PI4KB: variants seen among roughly 807,000 people sequenced by gnomAD.
The protein encoded by PI4KB is PtdIns 4-kinase beta.
Under a neutral mutation model 81.4 loss-of-function variants are expected in PI4KB, and 23 were observed. The observed-to-expected ratio is 0.28, with a 90% CI of 0.20 to 0.40. The LOEUF is 0.40. PI4KB is among the 10% of genes least tolerant of loss of function. PI4KB has a pLI of 1.00. For synonymous variants in PI4KB, 381 were observed against 406.8 expected (o/e 0.94, Z 0.76); for missense variants, 651 against 1,036.6 (o/e 0.63, Z 5.11).
rs747308764 is a variant in PI4KB at position 151,310,208 on chromosome 1, T to TA, written c.954+2dup. ...CACCCCGTCCCAGCCTGGCCCCACT[T>TA]ACGGAACTGAATGAATTATCAATAC... On this transcript the variant is annotated splice_region_variant and intron_variant, in intron 3 of 11. Coordinates refer to ENST00000368873, the MANE Select transcript of PI4KB (RefSeq NM_001369623.2). 2.3e-5 allele frequency: 37 copies of TA among 1,606,758 alleles called. No individual in the cohort carries two copies. The highest frequency in any genetic ancestry group is 2.7e-5 in the Non-Finnish European group (32 of 1,176,726).
At chr1:151,303,298 C>T (rs1179524668) in intron 6 of PI4KB, 1 of 430,542 alleles carries the variant, frequency 2.3e-6, no homozygotes, top group Non-Finnish European at 4.3e-6. Flanking sequence ...TATGCCCGGC[C>T]CCTCTGGTGC....
intron 1 of PI4KB, among the ~76,000 whole-genome samples, chr1:151,318,279 T>A (rs949937805): frequency 6.6e-6 from 1 of 150,930 alleles, no homozygotes; most frequent in Non-Finnish European, 1.5e-5. Flanking sequence ...TAGCCAGGCG[T>A]GGTGGCAGGC....
chr1:151,326,133 A>C (rs747349363), intron 1 of PI4KB: 1 of 1,601,364 alleles, frequency 6.2e-7, no homozygotes, highest in Non-Finnish European at 8.6e-7. Context: ...TCCTTTAACA[A>C]AAGCCTAAAA....
At chr1:151,310,358 T>C (rs1444998984) in intron 2 of PI4KB, 103 bp from the exon 3 acceptor site, 3 of 732,978 alleles carry the variant, frequency 4.1e-6, no homozygotes, top group Admixed American at 4.9e-5. Flanking sequence ...TAACTGCTTC[T>C]CTAGTGAAGT....
In PI4KB at chr1:151,294,493, G is replaced by A. The variant is rs764579335; in HGVS notation, c.2064C>T (p.Ile688=). The A allele has an allele frequency of 4.3e-6, 7 of 1,613,960 alleles. No homozygotes were observed. The highest frequency in any genetic ancestry group is 2.2e-5 in the South Asian group (2 of 91,072). ...LLDAEGHIIH[I]DFGFILSSSP... ...AGCTGGAGAGGATGAAGCCAAAGTC[G>A]ATGTGGATGATGTGGCCTTCTGCGT... Residue 688 remains isoleucine, a synonymous_variant, in exon 10 of 12, where the codon ATC becomes ATT. Transcript: ENST00000368873.
chr1:151,303,788 C>T, intron 5 of PI4KB, 138 bp from the exon 6 acceptor site: 1 of 650,628 alleles, frequency 1.5e-6, no homozygotes, highest in Non-Finnish European at 2.8e-6. Context: ...GTTACTGGGA[C>T]CCCAGGCTGC....
intron 1 of PI4KB, among the ~76,000 whole-genome samples, chr1:151,320,035 A>AC (rs1361821809): frequency 2.0e-5 from 3 of 151,936 alleles, no homozygotes; most frequent in Admixed American, 6.6e-5. Context: ...TGTTAAGGTT[A>AC]CTTTTTTTTT....
intron 9 of PI4KB, among the ~76,000 whole-genome samples, chr1:151,295,652 T>G (rs183335202): frequency 2.6e-5 from 4 of 152,388 alleles, no homozygotes; most frequent in African/African-American, 9.6e-5. Context: ...CATTCATTGT[T>G]GCCACTTCTT....
At chr1:151,317,290 C>T (rs1648112462) in intron 1 of PI4KB, among the ~76,000 whole-genome samples, 1 of 151,702 alleles carries the variant, frequency 6.6e-6, no homozygotes, top group Admixed American at 6.6e-5. Flanking sequence ...CAGGTGCACA[C>T]CACCATGCCT....
At position 151,302,229 on chromosome 1, in the gene PI4KB, T is replaced by A. The variant is rs373302771; in HGVS notation, c.1590A>T (p.Ala530=). The part of the protein sequence containing the change: ...AFKRDPEDPS[A]VALKEPWQEK... Reference sequence around the variant, plus strand: ...CCTGCCAGGGCTCTTTGAGAGCAACTGCAGAAGGATCTTCTGGGTCTCGTT... The same window carrying A: ...CCTGCCAGGGCTCTTTGAGAGCAACAGCAGAAGGATCTTCTGGGTCTCGTT... Residue 530 remains alanine, a synonymous_variant, in exon 7 of 12, where the codon GCA becomes GCT. Coordinates refer to ENST00000368873, the MANE Select transcript of PI4KB (RefSeq NM_001369623.2). 6.3e-5 allele frequency: 102 copies of A among 1,614,026 alleles called. No homozygotes were observed. Among genetic ancestry groups the A allele is most frequent in the Non-Finnish European group, 8.1e-5 (96 of 1,179,974 alleles).
At chr1:151,308,031 G>A (rs1054217902) in intron 3 of PI4KB, among the ~76,000 whole-genome samples, 3 of 152,204 alleles carry the variant, frequency 2.0e-5, no homozygotes, top group Non-Finnish European at 4.4e-5. Context: ...GGTAAGGGAG[G>A]CCATGAGTCC....
intron 5 of PI4KB, among the ~76,000 whole-genome samples, chr1:151,304,787 T>A (rs1378361140): frequency 1.3e-5 from 2 of 151,238 alleles, no homozygotes; most frequent in Non-Finnish European, 2.9e-5. Context: ...ATCACTTGCC[T>A]CCCGAGTAGC....
chr1:151,299,270 C>T (rs999023718), intron 8 of PI4KB, among the ~76,000 whole-genome samples, 197 bp from the exon 9 acceptor site: 3 of 152,150 alleles, frequency 2.0e-5, no homozygotes, highest in Non-Finnish European at 2.9e-5. Flanking sequence ...TCAGAAACTA[C>T]ACTCAGGTAT....
chr1:151,310,974 ATAC>A (rs1394298506), intron 2 of PI4KB, among the ~76,000 whole-genome samples: 1 of 152,192 alleles, frequency 6.6e-6, no homozygotes, highest in Non-Finnish European at 1.5e-5. Context: ...GACAATCAAT[ATAC>A]TACAATTTTT....
At chr1:151,312,805 G>C (rs889106292) in intron 2 of PI4KB, among the ~76,000 whole-genome samples, 3 of 152,196 alleles carry the variant, frequency 2.0e-5, no homozygotes, top group Non-Finnish European at 4.4e-5. Flanking sequence ...CTTGAAGCCA[G>C]GAGTTTGAGA....
chr1:151,303,744 C>T lies in PI4KB; in HGVS notation c.1411-94G>A, dbSNP rs1695499878. 4 of 831,220 alleles carry T rather than the reference C, an allele frequency of 4.8e-6. No individual in the cohort carries two copies. The Admixed American group carries it at 7.0e-5, about 14-fold the overall frequency. The allele number at this position is 831,220 out of a possible 1,614,324, so 51.5% of individuals were successfully genotyped here. A position where few individuals can be genotyped will look rare whatever the true frequency, so the allele number is the denominator to read the frequency against. On this transcript the variant is annotated intron_variant, in intron 5 of 11. Transcript: ENST00000368873. ...TTGCTATCACTGCAGCATGCTCATC[C>T]CTCTCTTTCAAACTCTGCTTACACA...
chr1:151,293,917 C>T lies in PI4KB; in HGVS notation c.2269+101G>A, dbSNP rs764039027. 4 of 1,336,386 alleles carry T rather than the reference C, an allele frequency of 3.0e-6. No homozygotes were observed. In the East Asian group the frequency reaches 9.6e-5, roughly 32 times the overall value. 82.8% of individuals were successfully genotyped at this position (1,336,386 alleles called of 1,614,324 possible). A position where few individuals can be genotyped will look rare whatever the true frequency, so the allele number is the denominator to read the frequency against. ...TAGAAACTCTCTGGGAACCCCCCTC[C>T]CTCAACCGAGTCTCGTGGGATCAGC... On this transcript the variant is annotated intron_variant, in intron 11 of 11. Coordinates refer to ENST00000368873, the MANE Select transcript of PI4KB (RefSeq NM_001369623.2).
Position 151,314,514 on chromosome 1 carries a change from A to G in PI4KB, c.909+1059T>C, listed in dbSNP as rs193275744. ...CTCTATATCCTAAGTTATACCTCCAACTGCTGCTGTAGCTTCCTCTTCTTC... is the reference window on the plus strand; with the variant it reads ...CTCTATATCCTAAGTTATACCTCCAGCTGCTGCTGTAGCTTCCTCTTCTTC... On this transcript the variant is annotated intron_variant, in intron 2 of 11. Transcript: ENST00000368873. Among the ~76,000 whole-genome samples the G allele has an allele frequency of 3.4e-3, 520 of 152,202 alleles. 2 individuals carry two copies. Among genetic ancestry groups the G allele is most frequent in the South Asian group, 0.018 (85 of 4,820 alleles).
Position 151,316,514 on chromosome 1 carries a change from A to G in PI4KB, c.-28-5T>C. 3 of 1,506,722 alleles carry G rather than the reference A, an allele frequency of 2.0e-6. No homozygotes were observed. The highest frequency in any genetic ancestry group is 2.7e-6 in the Non-Finnish European group (3 of 1,126,946). The allele number at this position is 1,506,722 out of a possible 1,614,324, so 93.3% of individuals were successfully genotyped here. On this transcript the variant is annotated splice_polypyrimidine_tract_variant and splice_region_variant and intron_variant, in intron 1 of 11. Transcript: ENST00000368873. ...GCCAGACTTCGAGCTTCCAAGCTACAGGAAGAGGGAGGGAGAAAAGAACAG... is the reference window on the plus strand; with the variant it reads ...GCCAGACTTCGAGCTTCCAAGCTACGGGAAGAGGGAGGGAGAAAAGAACAG...
Sources: allele counts gnomAD v4.1 joint callset (sites outside exome capture counted in the v4.1 genomes callset), GRCh38; gene constraint gnomAD v4.1.1; transcripts MANE v1.5; gene names NCBI Gene and HGNC (gene_info 2026-07-23, HGNC 2026-07-21).